Variants in RGS7 observed in about 807,000 individuals in gnomAD.
The protein encoded by RGS7 is regulator of G-protein signaling 7.
In RGS7, 27 loss-of-function variants were observed where a neutral mutation model predicts 81.1. The observed-to-expected ratio is 0.33, with a 90% CI of 0.25 to 0.46. The LOEUF (loss-of-function observed/expected upper bound fraction) is 0.46, where lower values mean the gene tolerates loss of function less well. RGS7 is among the 20% of genes least tolerant of loss of function. RGS7 has a pLI of 1.00. For synonymous variants in RGS7, 208 were observed against 207.7 expected, an observed-to-expected ratio of 1.00 and a Z score of -0.01; for missense variants, 396 against 607.4, an observed-to-expected ratio of 0.65 and a Z score of 3.66.
intron 3 of RGS7, among the ~76,000 whole-genome samples, chr1:241,083,501 T>C (rs1266671036): frequency 1.3e-5 from 2 of 152,186 alleles, no homozygotes; most frequent in African/African-American, 2.4e-5. Context: ...CGCAGCTCGA[T>C]TGGCTATGTA....
rs1359988124 is a variant in RGS7 at position 241,324,344 on chromosome 1, A to AG, written c.78+31354_78+31355insC. Reference sequence around the variant, plus strand: ...AAAATATATAAAAGCAAAAAAAACAAAAAAAAAAGCAACTTTTTACTTAAA... The same window carrying AG: ...AAAATATATAAAAGCAAAAAAAACAAGAAAAAAAAGCAACTTTTTACTTAAA... On this transcript the variant is annotated intron_variant, in intron 2 of 18. Coordinates refer to ENST00000440928, the MANE Select transcript of RGS7 (RefSeq NM_001364886.1). Among the ~76,000 whole-genome samples, 1,026 of 149,616 alleles carry AG rather than the reference A, an allele frequency of 6.9e-3. 11 individuals carry two copies. The highest frequency in any genetic ancestry group is 0.01 in the Middle Eastern group (3 of 288).
chr1:241,041,683 AC>A (rs2060625849), intron 3 of RGS7, among the ~76,000 whole-genome samples: 1 of 152,086 alleles, frequency 6.6e-6, no homozygotes, highest in Non-Finnish European at 1.5e-5. Context: ...CCCAAAGCAG[AC>A]TTAGGTCGCA....
At chr1:241,073,343 C>G (rs2062592562) in intron 3 of RGS7, among the ~76,000 whole-genome samples, 1 of 152,120 alleles carries the variant, frequency 6.6e-6, no homozygotes, top group Non-Finnish European at 1.5e-5. Context: ...AAATTCCCAG[C>G]ACAGGTGGGT....
At chr1:240,844,369 G>A (rs547364776) in intron 9 of RGS7, among the ~76,000 whole-genome samples, 270 of 152,270 alleles carry the variant, frequency 1.8e-3, no homozygotes, top group Middle Eastern at 6.8e-3. Flanking sequence ...CCACTTCCCT[G>A]AGAGTTAGCT....
chr1:240,945,364 C>T (rs1271274886), intron 4 of RGS7, among the ~76,000 whole-genome samples: 2 of 152,122 alleles, frequency 1.3e-5, no homozygotes, highest in Non-Finnish European at 2.9e-5. Context: ...AATGCTTATT[C>T]CAAATAGGAA....
At chr1:241,009,636 A>G (rs1205513592) in intron 3 of RGS7, among the ~76,000 whole-genome samples, 2 of 152,124 alleles carry the variant, frequency 1.3e-5, no homozygotes, top group Non-Finnish European at 2.9e-5. Context: ...TGAGTTGAAA[A>G]CTGGTGGCAT....
rs186407596 is a variant in RGS7, at chr1:241,073,856, G to A, written c.175+24810C>T. On this transcript the variant is annotated intron_variant, in intron 3 of 18. Transcript: ENST00000440928. ...AGCCAAGTTTATGCCGTACCTTAGC[G>A]ATAAAAGTAGAGATGATTAACTGTC... 1.0e-3 allele frequency among the ~76,000 whole-genome samples: 158 copies of A among 151,496 alleles called. 1 individual carries two copies. The highest frequency in any genetic ancestry group is 3.5e-3 in the African/African-American group (144 of 41,310).
At chr1:240,946,467 C>T (rs556655470) in intron 4 of RGS7, among the ~76,000 whole-genome samples, 37 of 151,936 alleles carry the variant, frequency 2.4e-4, no homozygotes, top group Non-Finnish European at 4.4e-4. Context: ...ATTAGCAGGG[C>T]ATGGTGGTGC....
chr1:240,788,922 G>C (rs1361714965), intron 18 of RGS7, among the ~76,000 whole-genome samples: 5 of 152,162 alleles, frequency 3.3e-5, no homozygotes, highest in Non-Finnish European at 5.9e-5. Context: ...TGGATCACTT[G>C]AGGTCAGGCA....
At chr1:241,082,697 A>C (rs1451940842) in intron 3 of RGS7, among the ~76,000 whole-genome samples, 1 of 152,218 alleles carries the variant, frequency 6.6e-6, no homozygotes, top group African/African-American at 2.4e-5. Flanking sequence ...TGTGTATTTC[A>C]AAATAGTTAG....
intron 3 of RGS7, among the ~76,000 whole-genome samples, chr1:241,040,286 C>T (rs980820967): frequency 5.3e-5 from 8 of 152,120 alleles, no homozygotes; most frequent in Admixed American, 3.3e-4. Context: ...AACCACTAGA[C>T]CAAGGTTCTT....
At chr1:240,917,727 T>C (rs1024312441) in intron 6 of RGS7, among the ~76,000 whole-genome samples, 2 of 152,136 alleles carry the variant, frequency 1.3e-5, no homozygotes, top group Admixed American at 1.3e-4. Context: ...AAAACAGTTA[T>C]AAACATTAAT....
chr1:241,184,547 C>T (rs957817905), intron 2 of RGS7, among the ~76,000 whole-genome samples: 1 of 152,148 alleles, frequency 6.6e-6, no homozygotes, highest in African/African-American at 2.4e-5. Context: ...TAGAAGGTTC[C>T]ACTTTATTTC....
intron 2 of RGS7, among the ~76,000 whole-genome samples, chr1:241,345,760 G>C (rs1448350687): frequency 6.6e-6 from 1 of 152,156 alleles, no homozygotes. Flanking sequence ...AGGCGCACCT[G>C]TAATCCCAGC....
chr1:241,197,753 T>C (rs1189343854), intron 2 of RGS7, among the ~76,000 whole-genome samples: 10 of 150,526 alleles, frequency 6.6e-5, no homozygotes, highest in Admixed American at 6.0e-4. Context: ...TTCAAAATTG[T>C]AGTGAGAGAT....
rs1689835895 is a variant in RGS7 at position 240,811,451 on chromosome 1, A to C, written c.1082+467T>G. ...CCCTGTGGCTATTATTTAAACATGC[A>C]AAGAGAATGAGACAGCCCAATAGTT... is the stretch of plus-strand genomic sequence containing the variant. On this transcript the variant is annotated intron_variant, in intron 14 of 18. Coordinates refer to ENST00000440928, the MANE Select transcript of RGS7 (RefSeq NM_001364886.1). Among the ~76,000 whole-genome samples the C allele has an allele frequency of 2.6e-5, 4 of 152,258 alleles. No individual in the cohort carries two copies. In the South Asian group the frequency reaches 8.3e-4, roughly 32 times the overall value.
intron 18 of RGS7, among the ~76,000 whole-genome samples, chr1:240,788,536 A>C (rs1685443090): frequency 6.6e-6 from 1 of 152,240 alleles, no homozygotes; most frequent in Admixed American, 6.5e-5. Flanking sequence ...AATTGGATCC[A>C]TCAGAAAATG....
chr1:240,897,374 ATG>A (rs1203446671), intron 6 of RGS7, among the ~76,000 whole-genome samples: 18 of 152,180 alleles, frequency 1.2e-4, no homozygotes, highest in African/African-American at 4.1e-4. Context: ...TTCAAAGGGA[ATG>A]CTTCCAGTTT....
At chr1:240,812,116 T>C (rs1558290241) in intron 13 of RGS7, 73 bp from the exon 14 acceptor site, 2 of 1,544,476 alleles carry the variant, frequency 1.3e-6, no homozygotes, top group Non-Finnish European at 1.8e-6. Flanking sequence ...TACATTCCCC[T>C]TCAAAATCAT....
Sources: allele counts gnomAD v4.1 joint callset (sites outside exome capture counted in the v4.1 genomes callset), GRCh38; gene constraint gnomAD v4.1.1; transcripts MANE v1.5; gene names NCBI Gene and HGNC (gene_info 2026-07-23, HGNC 2026-07-21).